The following RSPH14 variants were observed in gnomAD, a reference collection of about 807,000 sequenced individuals.
RSPH14 encodes the protein rhabdoid tumor deletion region gene 1.
RSPH14 carries 20 observed loss-of-function variants against 26.7 expected under a neutral mutation model. The observed-to-expected ratio is 0.75, with a 90% CI of 0.53 to 1.09. The LOEUF is 1.09. Among genes scored for constraint, RSPH14 ranks in the 50% least tolerant of loss-of-function variants. The probability of loss-of-function intolerance (pLI) is 0.00; values close to 1 mark genes in which losing one functional copy is unlikely to be tolerated. For missense variants in RSPH14, 449 were observed against 457.2 expected, an observed-to-expected ratio of 0.98 and a Z score of 0.16; for synonymous variants, 177 against 189.3, an observed-to-expected ratio of 0.93 and a Z score of 0.53.
At chr22:23,170,443 T>G in the RSPH14 span, among the ~76,000 whole-genome samples, 2 of 152,146 alleles carry the variant, frequency 1.3e-5, no homozygotes, top group African/African-American at 4.8e-5. Context: ...CTCTTCAGGG[T>G]TCCTTTAAAA....
the RSPH14 span, chr22:23,156,020 C>T: frequency 3.2e-5 from 52 of 1,612,348 alleles, no homozygotes; most frequent in South Asian, 5.5e-5. Flanking sequence ...TGCCTACTAC[C>T]GGGGTGCCCA....
At chr22:23,103,296 G>A (rs75764644) in intron 4 of RSPH14, among the ~76,000 whole-genome samples, 3,579 of 152,252 alleles carry the variant, frequency 0.024, 46 homozygotes, top group Non-Finnish European at 0.038. Context: ...CCCAGCCCCC[G>A]CCTCCATGCC....
chr22:23,064,243 G>A, intron 4 of RSPH14, 110 bp from the exon 5 acceptor site: 1 of 991,282 alleles, frequency 1.0e-6, no homozygotes, highest in African/African-American at 1.6e-5. Flanking sequence ...GGGTGGGTTT[G>A]ACAAAAGGAC....
chr22:23,153,889 A>G, the RSPH14 span, among the ~76,000 whole-genome samples: 1 of 151,802 alleles, frequency 6.6e-6, no homozygotes, highest in African/African-American at 2.4e-5. Context: ...GGGTTTTACT[A>G]TGTTGGCCAT....
upstream of RSPH14, chr22:23,146,573 C>T: frequency 6.2e-7 from 1 of 1,610,628 alleles, no homozygotes; most frequent in Non-Finnish European, 8.5e-7. Flanking sequence ...TGCACAGCTC[C>T]TTAACTGTCT....
At chr22:23,064,194 T>C (rs2068154261) in intron 4 of RSPH14, 61 bp from the exon 5 acceptor site, 3 of 1,528,954 alleles carry the variant, frequency 2.0e-6, no homozygotes, top group East Asian at 4.5e-5. Flanking sequence ...CCCATGCCAG[T>C]TGGCCTGCAG....
At chr22:23,085,772 A>G (rs1473227450) in intron 4 of RSPH14, among the ~76,000 whole-genome samples, 1 of 152,234 alleles carries the variant, frequency 6.6e-6, no homozygotes, top group Admixed American at 6.5e-5. Context: ...AGGCACGGGC[A>G]GTGGGGACAG....
intron 4 of RSPH14, among the ~76,000 whole-genome samples, chr22:23,100,982 A>C (rs2069285973): frequency 6.6e-6 from 1 of 152,214 alleles, no homozygotes; most frequent in Non-Finnish European, 1.5e-5. Flanking sequence ...AATGGAGTTT[A>C]AACATTTGTG....
At chr22:23,089,779 C>T (rs574976222) in intron 4 of RSPH14, among the ~76,000 whole-genome samples, 28 of 152,276 alleles carry the variant, frequency 1.8e-4, no homozygotes, top group African/African-American at 6.7e-4. Flanking sequence ...CAGAGGGTTC[C>T]TGAGTGGGCT....
upstream of RSPH14, among the ~76,000 whole-genome samples, chr22:23,142,745 T>G (rs757449711): frequency 5.3e-5 from 8 of 152,186 alleles, no homozygotes; most frequent in Admixed American, 5.2e-4. Flanking sequence ...GCCTCTGCAG[T>G]GGACCCAACA....
intron 4 of RSPH14, among the ~76,000 whole-genome samples, chr22:23,064,387 G>A (rs1464510816): frequency 1.3e-5 from 2 of 152,176 alleles, no homozygotes; most frequent in South Asian, 2.1e-4. Flanking sequence ...GTCTTTTGTC[G>A]CCTGTGTCTC....
At chr22:23,171,129 A>G in the RSPH14 span, among the ~76,000 whole-genome samples, 1 of 151,954 alleles carries the variant, frequency 6.6e-6, no homozygotes, top group Non-Finnish European at 1.5e-5. Flanking sequence ...CACCACGCCC[A>G]GCCAATTTTT....
In RSPH14 at chr22:23,071,694, T is replaced by C. The variant is rs1002588709; in HGVS notation, c.422-7561A>G. Among the ~76,000 whole-genome samples the C allele has an allele frequency of 6.6e-6, 1 of 152,152 alleles. No homozygotes were observed. The highest frequency in any genetic ancestry group is 2.4e-5 in the African/African-American group (1 of 41,434). On this transcript the variant is annotated intron_variant, in intron 4 of 6. Coordinates refer to ENST00000216036, the MANE Select transcript of RSPH14 (RefSeq NM_014433.3). This position sits in a 1 kb window ranked among gnomAD's most constrained non-coding sequence, Gnocchi z 4.1. ...AACGTCTCTACTCGACCAACCCCGC[T>C]TGAGTGCAGGTGCAGGGGCCTCGGG...
At chr22:23,139,927 T>C (rs2070560033) in intron 2 of RSPH14, among the ~76,000 whole-genome samples, 1 of 152,186 alleles carries the variant, frequency 6.6e-6, no homozygotes, top group South Asian at 2.1e-4. Context: ...TAGTCAGCCA[T>C]GGTGGTACTT....
chr22:23,095,769 C>G, intron 4 of RSPH14: 1 of 1,613,122 alleles, frequency 6.2e-7, no homozygotes, highest in Non-Finnish European at 8.5e-7. Context: ...CACCTGCGCT[C>G]AGAGAGCCAG....
intron 4 of RSPH14, among the ~76,000 whole-genome samples, chr22:23,120,374 G>A (rs554599189): frequency 2.0e-5 from 3 of 152,220 alleles, no homozygotes; most frequent in Admixed American, 6.5e-5. Context: ...GGGGGTCCAC[G>A]TGGTCTATCG....
At chr22:23,087,430 C>T (rs1172902494) in intron 4 of RSPH14, among the ~76,000 whole-genome samples, 3 of 152,152 alleles carry the variant, frequency 2.0e-5, no homozygotes, top group Admixed American at 2.0e-4. Context: ...TGCACTGCAG[C>T]TGGGTGACAG....
intron 4 of RSPH14, among the ~76,000 whole-genome samples, chr22:23,078,367 A>ACAGCCATGCC (rs978128916): frequency 1.3e-5 from 2 of 152,170 alleles, no homozygotes; most frequent in Non-Finnish European, 2.9e-5. Context: ...GCACGCAAGC[A>ACAGCCATGCC]CAGCCATGCC....
the RSPH14 span, among the ~76,000 whole-genome samples, chr22:23,158,558 C>G: frequency 1.3e-5 from 2 of 152,340 alleles, no homozygotes; most frequent in African/African-American, 4.8e-5. Flanking sequence ...GGCATTCACA[C>G]CCAGCAACTT....
Sources: allele counts gnomAD v4.1 joint callset (sites outside exome capture counted in the v4.1 genomes callset), GRCh38; gene constraint gnomAD v4.1.1; non-coding constraint Gnocchi (gnomAD v3.1); transcripts MANE v1.5; gene names NCBI Gene and HGNC (gene_info 2026-07-23, HGNC 2026-07-21).